Variants in PCDH15 observed in about 807,000 individuals in gnomAD.
The protein encoded by PCDH15 is protocadherin related 15, also known as protocadherin-15.
PCDH15 carries 129 observed loss-of-function variants against 178.5 expected under a neutral mutation model. The observed-to-expected ratio is 0.72, with a 90% CI of 0.63 to 0.84. PCDH15 has a LOEUF of 0.84. Ranked by LOEUF, PCDH15 falls within the 40% of genes least tolerant of loss-of-function variation. The pLI is 0.00. For synonymous variants in PCDH15, 800 were observed against 732.0 expected (o/e 1.09, Z -1.50); for missense variants, 2,230 against 2,099.9 (o/e 1.06, Z -1.21).
intron 1 of PCDH15, among the ~76,000 whole-genome samples, chr10:54,765,773 T>C (rs984713424): frequency 1.3e-5 from 2 of 152,130 alleles, no homozygotes; most frequent in Non-Finnish European, 2.9e-5. Context: ...TCCAAAGCCA[T>C]GCTGACTTCA....
intron 2 of PCDH15, among the ~76,000 whole-genome samples, chr10:54,583,380 T>TA (rs1263958716): frequency 6.6e-6 from 1 of 152,054 alleles, no homozygotes; most frequent in African/African-American, 2.4e-5. Context: ...CATTTTATTT[T>TA]ACTAAGTGGA....
chr10:55,282,150 C>T (rs1349854544), intron 1 of PCDH15, among the ~76,000 whole-genome samples: 5 of 152,158 alleles, frequency 3.3e-5, no homozygotes, highest in Admixed American at 3.3e-4. Context: ...AGACCAAGAT[C>T]CTTAATAATA....
At chr10:54,957,118 T>C (rs1212410414) in intron 2 of PCDH15, among the ~76,000 whole-genome samples, 1 of 151,710 alleles carries the variant, frequency 6.6e-6, no homozygotes, top group Non-Finnish European at 1.5e-5. Context: ...TAACTTTCAG[T>C]TTTCTAACTA....
intron 30 of PCDH15, 115 bp from the exon 31 acceptor site, chr10:53,828,688 T>A: frequency 1.1e-6 from 1 of 908,980 alleles, no homozygotes. Flanking sequence ...GTTAAATTCA[T>A]AATGACAGAG....
intron 1 of PCDH15, among the ~76,000 whole-genome samples, chr10:55,252,947 A>G (rs959758818): frequency 6.6e-6 from 1 of 152,282 alleles, no homozygotes; most frequent in African/African-American, 2.4e-5. Context: ...GGAGAAAAAA[A>G]TTTTCTAAAA....
rs563745088 is a variant in PCDH15 at position 55,506,951 on chromosome 10, G to A, written c.-156+120674C>T. On this transcript the variant is annotated intron_variant, in intron 2 of 5. Transcript: ENST00000613346. ...TCAGTGACTTTAAAGATTAACACAT[G>A]AAATAGTAACATAGCTCATAAAAAA... is the stretch of plus-strand genomic sequence containing the variant. Among the ~76,000 whole-genome samples, 35 of 151,450 alleles carry A rather than the reference G, an allele frequency of 2.3e-4. 1 individual carries two copies. The South Asian group carries it at 3.9e-3, about 17-fold the overall frequency.
At chr10:54,688,743 C>T (rs1219024836) in intron 1 of PCDH15, among the ~76,000 whole-genome samples, 2 of 151,942 alleles carry the variant, frequency 1.3e-5, no homozygotes, top group East Asian at 3.9e-4. Context: ...GAAGTTAAAC[C>T]CCAAAAGCAG....
At chr10:54,441,328 TG>T (rs2075779630) in intron 3 of PCDH15, among the ~76,000 whole-genome samples, 4 of 151,982 alleles carry the variant, frequency 2.6e-5, no homozygotes, top group Admixed American at 2.0e-4. Flanking sequence ...ATGAGACTGC[TG>T]GAACTGCTAA....
At chr10:55,180,701 A>G (rs548628447) in intron 1 of PCDH15, among the ~76,000 whole-genome samples, 45 of 152,310 alleles carry the variant, frequency 3.0e-4, no homozygotes, top group African/African-American at 1.0e-3. Flanking sequence ...TTGCATATTT[A>G]TACATTTGCC....
chr10:54,195,915 T>C (rs1184962189), intron 10 of PCDH15, 26 bp from the exon 11 acceptor site: 1 of 1,592,754 alleles, frequency 6.3e-7, no homozygotes, highest in African/African-American at 1.4e-5. Context: ...AAAGAAAATA[T>C]TTAGAAAGTA....
chr10:54,160,615 A>G (rs2045611551), intron 13 of PCDH15, among the ~76,000 whole-genome samples: 1 of 152,176 alleles, frequency 6.6e-6, no homozygotes, highest in South Asian at 2.1e-4. Context: ...TGATACATAA[A>G]ATACAGATTA....
At chr10:54,688,463 G>A (rs1349557185) in intron 1 of PCDH15, among the ~76,000 whole-genome samples, 1 of 151,986 alleles carries the variant, frequency 6.6e-6, no homozygotes, top group African/African-American at 2.4e-5. Context: ...CACAGAAGTA[G>A]AATAAACAAT....
chr10:55,406,768 T>C (rs2132030812), intron 2 of PCDH15, among the ~76,000 whole-genome samples: 1 of 152,000 alleles, frequency 6.6e-6, no homozygotes, highest in East Asian at 1.9e-4. Context: ...AGCCTTGAAA[T>C]GCATGAGACT....
chr10:55,222,115 TC>T (rs1840894445), intron 1 of PCDH15, among the ~76,000 whole-genome samples: 1 of 151,736 alleles, frequency 6.6e-6, no homozygotes, highest in African/African-American at 2.4e-5. Flanking sequence ...GACCTTGTGA[TC>T]CACCTGCCTC....
At chr10:55,366,753 G>A (rs565196376) in intron 2 of PCDH15, among the ~76,000 whole-genome samples, 2 of 152,238 alleles carry the variant, frequency 1.3e-5, no homozygotes, top group South Asian at 4.2e-4. Context: ...ATGTAGCTCA[G>A]AAGTACTGTA....
At chr10:55,454,864 G>A (rs1440514686) in intron 2 of PCDH15, among the ~76,000 whole-genome samples, 1 of 150,652 alleles carries the variant, frequency 6.6e-6, no homozygotes, top group Non-Finnish European at 1.5e-5. Flanking sequence ...TGAAACACTT[G>A]TCAAGCCTCT....
intron 1 of PCDH15, among the ~76,000 whole-genome samples, chr10:54,667,668 C>T (rs1054912234): frequency 6.6e-6 from 1 of 152,068 alleles, no homozygotes; most frequent in East Asian, 1.9e-4. Flanking sequence ...AATCCCACAT[C>T]AAACTCTTTC....
At chr10:54,083,520 T>G (rs2094467639) in intron 16 of PCDH15, among the ~76,000 whole-genome samples, 1 of 152,172 alleles carries the variant, frequency 6.6e-6, no homozygotes, top group Non-Finnish European at 1.5e-5. Flanking sequence ...AAAAAGAAGC[T>G]AGACACAAAT....
chr10:54,267,419 G>C (rs1302435714), intron 8 of PCDH15, among the ~76,000 whole-genome samples: 1 of 151,424 alleles, frequency 6.6e-6, no homozygotes, highest in Non-Finnish European at 1.5e-5. Flanking sequence ...TGAAGCCCTA[G>C]CCAGAATGAT....
Sources: allele counts gnomAD v4.1 joint callset (sites outside exome capture counted in the v4.1 genomes callset), GRCh38; gene constraint gnomAD v4.1.1; transcripts MANE v1.5; gene names NCBI Gene and HGNC (gene_info 2026-07-23, HGNC 2026-07-21).